INTS6: variants seen among roughly 807,000 people sequenced by gnomAD.
The protein encoded by INTS6 is integrator complex subunit 6, also known as DEAD box protein.
A neutral mutation model predicts 104.9 loss-of-function variants in INTS6; 16 were observed. That is an observed-to-expected ratio of 0.15 (90% CI 0.10 to 0.23). INTS6 has a LOEUF of 0.23. Ranked by LOEUF, INTS6 falls within the 10% of genes least tolerant of loss-of-function variation. The probability of loss-of-function intolerance (pLI) is 1.00; values close to 1 mark genes in which losing one functional copy is unlikely to be tolerated. For synonymous variants in INTS6, 324 were observed against 358.7 expected, an observed-to-expected ratio of 0.90 and a Z score of 1.09; for missense variants, 584 against 1,062.8, an observed-to-expected ratio of 0.55 and a Z score of 6.26.
At chr13:51,347,973 A>T in the INTS6 span, among the ~76,000 whole-genome samples, 19 of 151,398 alleles carry the variant, frequency 1.3e-4, no homozygotes, top group African/African-American at 3.9e-4. Flanking sequence ...CCCCATACCC[A>T]GTCCTAGAGA....
At chr13:51,389,664 T>A (rs1956209518) in intron 5 of INTS6, among the ~76,000 whole-genome samples, 1 of 152,182 alleles carries the variant, frequency 6.6e-6, no homozygotes, top group African/African-American at 2.4e-5. Context: ...TGTGAGAGTA[T>A]GTACATTTTT....
Position 51,365,506 on chromosome 13 carries a change from G to A in INTS6, c.*246C>T, listed in dbSNP as rs570305842. 1 of 227,614 alleles carries A rather than the reference G, an allele frequency of 4.4e-6. No individual in the cohort carries two copies. The highest frequency in any genetic ancestry group is 2.3e-5 in the African/African-American group (1 of 43,732). 14.1% of individuals were successfully genotyped at this position (227,614 alleles called of 1,614,324 possible). A position where few individuals can be genotyped will look rare whatever the true frequency, so the allele number is the denominator to read the frequency against. ...AGAGTCAATGACAAGCAAGAGATTT[G>A]GAGGAATATTTTTAGTTTGTTAAAT... On this transcript the variant is annotated 3_prime_UTR_variant, in exon 18 of 18. Transcript: ENST00000311234.
chr13:51,430,195 A>C (rs747501138), intron 4 of INTS6, 99 bp downstream of exon 4: 2 of 941,674 alleles, frequency 2.1e-6, no homozygotes, highest in South Asian at 2.9e-5. Context: ...TGCATCAAAT[A>C]ATCAACGAGA....
rs552078732 is a variant in INTS6, at chr13:51,452,361, G to A, written c.111+54C>T. 1.0e-5 allele frequency: 15 copies of A among 1,448,402 alleles called. No homozygotes were observed. In the South Asian group the frequency reaches 1.3e-4, roughly 12 times the overall value. 89.7% of individuals were successfully genotyped at this position (1,448,402 alleles called of 1,614,324 possible). A position where few individuals can be genotyped will look rare whatever the true frequency, so the allele number is the denominator to read the frequency against. On this transcript the variant is annotated intron_variant, in intron 1 of 17. Coordinates refer to ENST00000311234, the MANE Select transcript of INTS6 (RefSeq NM_012141.3). The surrounding 1 kb of genome is among the most constrained non-coding windows in gnomAD (Gnocchi z 4.2). ...CGCCCCGGCCGCCCTCCCCCACCCT[G>A]CCGCCCGCGGGCCGCCGGGCCGGGG...
intron 10 of INTS6, among the ~76,000 whole-genome samples, chr13:51,381,308 G>A (rs1003538813): frequency 1.3e-5 from 2 of 152,162 alleles, no homozygotes; most frequent in Admixed American, 1.3e-4. Context: ...AACACTCGAG[G>A]TTAAAAGCCT....
chr13:51,437,505 C>T (rs946052087), intron 3 of INTS6: 2 of 151,820 alleles, frequency 1.3e-5, no homozygotes, highest in African/African-American at 4.8e-5. Context: ...AAGAAGATGG[C>T]ATTCTATGAC....
chr13:51,348,711 C>T, the INTS6 span: 2 of 346,066 alleles, frequency 5.8e-6, no homozygotes, highest in Non-Finnish European at 1.1e-5. Context: ...CTGATCCAGC[C>T]CTAGGCTGGA....
At chr13:51,344,410 C>G in the INTS6 span, 1 of 1,611,176 alleles carries the variant, frequency 6.2e-7, no homozygotes, top group African/African-American at 1.3e-5. Context: ...TAACAGCAGC[C>G]TGGAACCAGC....
chr13:51,388,545 C>T (rs1039258046), intron 6 of INTS6, among the ~76,000 whole-genome samples: 18 of 152,092 alleles, frequency 1.2e-4, no homozygotes, highest in Admixed American at 1.2e-3. Context: ...AGGCATGCGC[C>T]ACCACGCCTG....
chr13:51,392,490 C>T (rs1956260996), intron 5 of INTS6, among the ~76,000 whole-genome samples: 1 of 151,946 alleles, frequency 6.6e-6, no homozygotes, highest in African/African-American at 2.4e-5. Flanking sequence ...TACTCTATTC[C>T]TCCCTATGTA....
rs552059914 is a variant in INTS6, at chr13:51,388,383, G to T, written c.740-843C>A. On this transcript the variant is annotated intron_variant, in intron 6 of 17. Transcript: ENST00000311234. ...GTGTGTGTGTGTTTTGTTTTTTTTT[G>T]TTTTTGTTTTTGTTTTTCTTTTTTT... 8.7e-3 allele frequency among the ~76,000 whole-genome samples: 1,289 copies of T among 148,498 alleles called. 19 individuals are homozygous for T. Among genetic ancestry groups the T allele is most frequent in the East Asian group, 0.05 (243 of 4,888 alleles).
chr13:51,369,199 G>A lies in INTS6; in HGVS notation c.2216C>T (p.Ser739Phe). Residue 739 changes from serine to phenylalanine, a missense_variant, in exon 16 of 18, where the codon TCT becomes TTT. Physicochemically the swap from Ser to Phe is radical, Grantham distance 155. This residue lies in a region of INTS6 where 296 missense variants were observed against 437.0 expected (regional missense o/e 0.68). Transcript: ENST00000311234. ...PNAMDTEFSA[S>F]SPASLLERPT... ...CCGTTCCAGTAAACTGGCTGGAGAAGATGCTGAAAATTCCGTATCCATAGC... is the reference window on the plus strand; with the variant it reads ...CCGTTCCAGTAAACTGGCTGGAGAAAATGCTGAAAATTCCGTATCCATAGC... 6.2e-7 allele frequency: 1 copy of A among 1,613,860 alleles called. No homozygotes were observed. The highest frequency in any genetic ancestry group is 1.1e-5 in the South Asian group (1 of 91,086).
intron 4 of INTS6, among the ~76,000 whole-genome samples, chr13:51,425,311 T>C (rs1178885834): frequency 2.0e-5 from 3 of 152,214 alleles, no homozygotes; most frequent in African/African-American, 7.2e-5. Flanking sequence ...TATGAAGACA[T>C]GCCCTTACCG....
chr13:51,453,015 C>A lies in INTS6; in HGVS notation c.-490G>T. ...CACCCCGGCGGTGTCACCACTTTCT[C>A]AGCCCCTCTCGCTACTGAAGCGCTT... On this transcript the variant is annotated 5_prime_UTR_variant, in exon 1 of 18. Coordinates refer to ENST00000311234, the MANE Select transcript of INTS6 (RefSeq NM_012141.3). 1 of 1,012,524 alleles carries A rather than the reference C, an allele frequency of 9.9e-7. No individual in the cohort carries two copies. The highest frequency in any genetic ancestry group is 3.7e-5 in the South Asian group (1 of 27,376). The allele number at this position is 1,012,524 out of a possible 1,614,324, so 62.7% of individuals were successfully genotyped here. A position where few individuals can be genotyped will look rare whatever the true frequency, so the allele number is the denominator to read the frequency against.
In INTS6 at chr13:51,364,444, TAA is replaced by T. The variant is rs1955646428; in HGVS notation, c.*1306_*1307del. 1.9e-5 allele frequency: 10 copies of T among 513,064 alleles called. No individual in the cohort carries two copies. In the South Asian group the frequency reaches 2.8e-4, roughly 14 times the overall value. 31.8% of individuals were successfully genotyped at this position (513,064 alleles called of 1,614,324 possible). On this transcript the variant is annotated 3_prime_UTR_variant, in exon 18 of 18. Transcript: ENST00000311234. ...AAAATACTTCAGTTTTTAAATGTTA[TAA>T]GTTTATTTTGCCTACTCTTAATCCA...
At chr13:51,451,937 GGGAAGGGAA>G (rs776631438) in intron 2 of INTS6, 32 bp downstream of exon 2, 1 of 1,509,514 alleles carries the variant, frequency 6.6e-7, no homozygotes, top group African/African-American at 1.4e-5. Flanking sequence ...GGAAGGAACA[GGGAAGGGAA>G]GGGAGGAAAG....
downstream of INTS6, among the ~76,000 whole-genome samples, chr13:51,350,084 T>C (rs1955389936): frequency 6.6e-6 from 1 of 152,158 alleles, no homozygotes; most frequent in African/African-American, 2.4e-5. Context: ...CACTCATTCT[T>C]CTTTTAGTAT....
chr13:51,406,466 C>A (rs1467115610), intron 4 of INTS6, among the ~76,000 whole-genome samples: 1 of 152,082 alleles, frequency 6.6e-6, no homozygotes, highest in Non-Finnish European at 1.5e-5. Context: ...CACCTCCTCC[C>A]TGTTTCTTAC....
chr13:51,417,562 C>T (rs1956813334), intron 4 of INTS6, among the ~76,000 whole-genome samples: 1 of 150,808 alleles, frequency 6.6e-6, no homozygotes, highest in African/African-American at 2.4e-5. Flanking sequence ...TCAAGCCATT[C>T]TCCTGTCTCA....
Sources: gnomAD v4.1 joint callset for allele counts (sites outside exome capture counted in the v4.1 genomes callset) on GRCh38, gnomAD v4.1.1 for gene constraint, gnomAD v4.1.1 regional missense constraint, Gnocchi (gnomAD v3.1) non-coding constraint, MANE v1.5 for transcripts, NCBI Gene and HGNC (gene_info 2026-07-23, HGNC 2026-07-21) for gene names.